Variants in CD48 observed in about 807,000 individuals in gnomAD.
CD48 encodes the protein CD48 molecule.
A neutral mutation model predicts 22.0 loss-of-function variants in CD48; 20 were observed. The ratio of observed to expected loss-of-function variants is 0.91; its 90% confidence interval spans 0.64 to 1.32. The LOEUF (loss-of-function observed/expected upper bound fraction) is 1.32, where lower values mean the gene tolerates loss of function less well. CD48 is among the 40% of genes most tolerant of loss of function. CD48 has a pLI of 0.00. For missense variants in CD48, 307 were observed against 286.5 expected, an observed-to-expected ratio of 1.07 and a Z score of -0.52; for synonymous variants, 110 against 110.1, an observed-to-expected ratio of 1.00 and a Z score of 0.01.
intron 1 of CD48, among the ~76,000 whole-genome samples, 178 bp downstream of exon 1, chr1:160,711,504 C>G (rs901523430): frequency 2.6e-5 from 4 of 152,164 alleles, no homozygotes; most frequent in African/African-American, 7.2e-5. Context: ...GATGAAGCTC[C>G]ATTCATCAGT....
intron 2 of CD48, chr1:160,684,619 T>C: frequency 1.9e-6 from 2 of 1,071,088 alleles, no homozygotes; most frequent in East Asian, 2.6e-5. Context: ...ATGAAGGAAA[T>C]AGGAAAAATC....
At chr1:160,703,558 A>C (rs57975772) in intron 1 of CD48, among the ~76,000 whole-genome samples, 19,997 of 152,126 alleles carry the variant, frequency 0.13, 1,449 homozygotes, top group African/African-American at 0.18. Context: ...TACATGCAGC[A>C]AAGATCCCTA....
chr1:160,680,399 T>C (rs1029650326), intron 3 of CD48: 2 of 186,206 alleles, frequency 1.1e-5, no homozygotes, highest in African/African-American at 4.7e-5. Flanking sequence ...ACGTGTCTTG[T>C]CTCATTGAAT....
chr1:160,695,972 G>A (rs1662403409), intron 1 of CD48, among the ~76,000 whole-genome samples: 2 of 152,280 alleles, frequency 1.3e-5, no homozygotes, highest in Admixed American at 6.5e-5. Context: ...ATCAATTCTG[G>A]TGCATGGCAG....
In CD48 at chr1:160,705,607, CT is replaced by C. The variant is rs140874521; in HGVS notation, c.82+6074del. Among the ~76,000 whole-genome samples the C allele has an allele frequency of 8.1e-3, 1,232 of 152,302 alleles. 18 individuals are homozygous for C. The highest frequency in any genetic ancestry group is 0.028 in the African/African-American group (1,174 of 41,564). ...GCAAGGCAGATACAGTCTCTGGCCT[CT>C]TGGAGCATACAGCCTAGGAGGACAT... On this transcript the variant is annotated intron_variant, in intron 1 of 3. Transcript: ENST00000368046.
At chr1:160,694,865 T>C (rs1404965080) in intron 1 of CD48, among the ~76,000 whole-genome samples, 1 of 152,252 alleles carries the variant, frequency 6.6e-6, no homozygotes, top group African/African-American at 2.4e-5. Flanking sequence ...CTGGAGGCTT[T>C]ACATTTATTA....
chr1:160,691,146 T>A (rs946096323), intron 1 of CD48, among the ~76,000 whole-genome samples: 3 of 152,016 alleles, frequency 2.0e-5, no homozygotes, highest in African/African-American at 4.8e-5. Flanking sequence ...CATGTGATAG[T>A]CTGAAATATG....
intron 3 of CD48, 22 bp from the exon 4 acceptor site, chr1:160,679,153 A>G (rs1172841344): frequency 6.2e-7 from 1 of 1,600,056 alleles, no homozygotes; most frequent in African/African-American, 1.3e-5. Context: ...AGAAAACCCT[A>G]TATGCTTAGG....
intron 1 of CD48, among the ~76,000 whole-genome samples, chr1:160,689,211 G>A (rs1484318103): frequency 6.6e-6 from 1 of 152,110 alleles, no homozygotes; most frequent in Non-Finnish European, 1.5e-5. Flanking sequence ...CACAGAGGGG[G>A]GTATTTATAA....
At chr1:160,704,251 T>A (rs1018602086) in intron 1 of CD48, among the ~76,000 whole-genome samples, 1 of 152,154 alleles carries the variant, frequency 6.6e-6, no homozygotes, top group East Asian at 1.9e-4. Flanking sequence ...ACAAAACATA[T>A]CTTAAACATT....
chr1:160,710,177 A>C (rs369730548), intron 1 of CD48, among the ~76,000 whole-genome samples: 1 of 152,232 alleles, frequency 6.6e-6, no homozygotes, highest in Admixed American at 6.5e-5. Flanking sequence ...TAGGAAAGGT[A>C]TAATCATAAT....
At chr1:160,681,495 T>C in intron 2 of CD48, 27 bp from the exon 3 acceptor site, 1 of 1,606,926 alleles carries the variant, frequency 6.2e-7, no homozygotes, top group South Asian at 1.1e-5. Flanking sequence ...TGTTATAAGA[T>C]GAGACAGTGA....
intron 1 of CD48, among the ~76,000 whole-genome samples, chr1:160,707,841 T>A (rs1662837454): frequency 6.6e-6 from 1 of 152,178 alleles, no homozygotes; most frequent in African/African-American, 2.4e-5. Flanking sequence ...CATCCCTCCA[T>A]GCATACATGC....
intron 1 of CD48, among the ~76,000 whole-genome samples, chr1:160,687,355 G>T (rs757913759): frequency 3.2e-4 from 48 of 152,138 alleles, no homozygotes; most frequent in Non-Finnish European, 5.7e-4. Flanking sequence ...ACATGGTCCT[G>T]AGGTGACATA....
intron 1 of CD48, among the ~76,000 whole-genome samples, chr1:160,702,804 G>A (rs190814617): frequency 6.6e-6 from 1 of 152,216 alleles, no homozygotes. Context: ...GCAACACCTC[G>A]TGATCAGGTA....
intron 1 of CD48, among the ~76,000 whole-genome samples, chr1:160,693,972 C>G (rs1338529769): frequency 6.6e-6 from 1 of 152,250 alleles, no homozygotes; most frequent in African/African-American, 2.4e-5. Context: ...ACTATACAAG[C>G]AGTCTCTCTG....
At chr1:160,691,388 A>T (rs539857826) in intron 1 of CD48, among the ~76,000 whole-genome samples, 15 of 152,234 alleles carry the variant, frequency 9.9e-5, no homozygotes, top group Admixed American at 5.9e-4. Context: ...TGGGACATGC[A>T]GGCAGCAATA....
intron 2 of CD48, chr1:160,684,578 C>T: frequency 1.4e-6 from 1 of 691,830 alleles, no homozygotes; most frequent in Non-Finnish European, 2.3e-6. Flanking sequence ...TCAAGATGAG[C>T]TGAGCTGATT....
chr1:160,691,387 C>G (rs570636444), intron 1 of CD48, among the ~76,000 whole-genome samples: 1 of 152,188 alleles, frequency 6.6e-6, no homozygotes, highest in Non-Finnish European at 1.5e-5. Flanking sequence ...GTGGGACATG[C>G]AGGCAGCAAT....
Sources: allele counts gnomAD v4.1 joint callset (sites outside exome capture counted in the v4.1 genomes callset), GRCh38; gene constraint gnomAD v4.1.1; transcripts MANE v1.5; gene names NCBI Gene and HGNC (gene_info 2026-07-23, HGNC 2026-07-21).